DCC: variants seen among roughly 807,000 people sequenced by gnomAD.
DCC encodes netrin receptor DCC.
DCC carries 58 observed loss-of-function variants against 172.5 expected under a neutral mutation model. That is an observed-to-expected ratio of 0.34 (90% CI 0.27 to 0.42). The LOEUF is 0.42. Ranked by LOEUF, DCC falls within the 10% of genes least tolerant of loss-of-function variation. DCC has a pLI of 1.00. For missense variants in DCC, 1,740 were observed against 1,791.0 expected, an observed-to-expected ratio of 0.97 and a Z score of 0.51; for synonymous variants, 709 against 644.5, an observed-to-expected ratio of 1.10 and a Z score of -1.52.
Position 53,315,401 on chromosome 18 carries a change from T to A in DCC, c.2054-6646T>A, listed in dbSNP as rs540424216. Among the ~76,000 whole-genome samples the A allele has an allele frequency of 1.3e-4, 20 of 152,342 alleles. No individual in the cohort carries two copies. In the East Asian group the frequency reaches 3.7e-3, roughly 28 times the overall value. On this transcript the variant is annotated intron_variant, in intron 13 of 28. Coordinates refer to ENST00000442544, the MANE Select transcript of DCC (RefSeq NM_005215.4). ...CATTGGTTCCAAGTCTTGGCTATTG[T>A]GAATAGTGCTGCAATAAACATACAT...
At chr18:53,002,181 T>C (rs1028572409) in intron 5 of DCC, among the ~76,000 whole-genome samples, 19 of 152,192 alleles carry the variant, frequency 1.2e-4, no homozygotes, top group Non-Finnish European at 1.0e-4. Context: ...TTAAGCCTTT[T>C]GCATTGTGAA....
intron 14 of DCC, among the ~76,000 whole-genome samples, chr18:53,328,021 A>T (rs530880788): frequency 6.6e-6 from 1 of 152,198 alleles, no homozygotes; most frequent in African/African-American, 2.4e-5. Flanking sequence ...ATTTCATCTT[A>T]CACATAAGGA....
At chr18:52,631,646 A>C (rs1406995125) in intron 1 of DCC, among the ~76,000 whole-genome samples, 1 of 152,186 alleles carries the variant, frequency 6.6e-6, no homozygotes, top group African/African-American at 2.4e-5. Context: ...TGTGGCTTTC[A>C]GTCTCAGGCC....
At chr18:52,981,011 A>C (rs1447447167) in intron 5 of DCC, among the ~76,000 whole-genome samples, 2 of 151,502 alleles carry the variant, frequency 1.3e-5, no homozygotes, top group Non-Finnish European at 2.9e-5. Context: ...GGTATTTTCC[A>C]AATTTGAGCC....
At chr18:52,986,856 A>G (rs2041304463) in intron 5 of DCC, among the ~76,000 whole-genome samples, 1 of 149,548 alleles carries the variant, frequency 6.7e-6, no homozygotes, top group South Asian at 2.1e-4. Context: ...ACACACACAC[A>G]CAAACAGACA....
chr18:52,825,872 A>C (rs1275729163), intron 2 of DCC, among the ~76,000 whole-genome samples: 3 of 152,228 alleles, frequency 2.0e-5, no homozygotes, highest in African/African-American at 7.2e-5. Flanking sequence ...ATGCATGCCC[A>C]GGAGGCAAAA....
intron 12 of DCC, 121 bp from the exon 13 acceptor site, chr18:53,305,457 G>A (rs942401246): frequency 2.6e-6 from 2 of 771,088 alleles, no homozygotes; most frequent in Non-Finnish European, 4.5e-6. Context: ...TCTCTAAGTG[G>A]CAATCGCTAA....
intron 27 of DCC, among the ~76,000 whole-genome samples, chr18:53,508,369 T>A (rs1028659274): frequency 6.6e-6 from 1 of 151,910 alleles, no homozygotes; most frequent in Non-Finnish European, 1.5e-5. Flanking sequence ...ATTTTTGTAT[T>A]TTTTGCAGAG....
intron 2 of DCC, among the ~76,000 whole-genome samples, chr18:52,756,320 G>A (rs2037075541): frequency 6.6e-6 from 1 of 152,136 alleles, no homozygotes; most frequent in Non-Finnish European, 1.5e-5. Flanking sequence ...AGTATGTCAT[G>A]TTAATAGTAG....
chr18:53,432,464 A>G (rs955946278), intron 21 of DCC, among the ~76,000 whole-genome samples: 2 of 152,194 alleles, frequency 1.3e-5, no homozygotes, highest in African/African-American at 4.8e-5. Flanking sequence ...CCTCTGGGAT[A>G]GGGAAGTATT....
chr18:52,931,631 A>G lies in DCC; in HGVS notation c.985+6261A>G, dbSNP rs189666903. On this transcript the variant is annotated intron_variant, in intron 5 of 28. Transcript: ENST00000442544. ...GCTTAGCATTTTGTTTCCTTCTTAT[A>G]AAATAAAAATGGAAAATTCCATAAT... Among the ~76,000 whole-genome samples the G allele has an allele frequency of 5.9e-5, 9 of 152,288 alleles. 1 individual carries two copies. The East Asian group carries it at 1.3e-3, about 23-fold the overall frequency.
intron 5 of DCC, among the ~76,000 whole-genome samples, chr18:52,935,123 A>T (rs775117683): frequency 1.3e-5 from 2 of 152,128 alleles, no homozygotes; most frequent in Non-Finnish European, 2.9e-5. Flanking sequence ...TATATTATCA[A>T]CATTGCTTAC....
chr18:53,436,731 T>C (rs751552156), intron 22 of DCC, among the ~76,000 whole-genome samples: 22 of 152,172 alleles, frequency 1.4e-4, no homozygotes, highest in Admixed American at 2.0e-4. Flanking sequence ...TAGAACGTCT[T>C]ATGTTTAAAC....
intron 1 of DCC, among the ~76,000 whole-genome samples, chr18:52,737,624 G>A (rs1412438391): frequency 6.6e-6 from 1 of 152,112 alleles, no homozygotes; most frequent in African/African-American, 2.4e-5. Context: ...CTTGGACACA[G>A]TGGGCATATC....
intron 1 of DCC, among the ~76,000 whole-genome samples, chr18:52,471,752 T>C (rs1988953076): frequency 6.6e-6 from 1 of 152,194 alleles, no homozygotes; most frequent in African/African-American, 2.4e-5. Flanking sequence ...AGATAAGCCT[T>C]ACAGAGGCTT....
intron 1 of DCC, among the ~76,000 whole-genome samples, chr18:52,747,391 C>T (rs1306303801): frequency 6.6e-6 from 1 of 152,228 alleles, no homozygotes; most frequent in Non-Finnish European, 1.5e-5. Flanking sequence ...ATAAACTTCT[C>T]CATTAGGTTT....
chr18:52,491,035 A>G (rs777844759), intron 1 of DCC, among the ~76,000 whole-genome samples: 2 of 152,116 alleles, frequency 1.3e-5, no homozygotes, highest in Non-Finnish European at 2.9e-5. Context: ...AAAGGCAAGC[A>G]ACTTCAGTTC....
At chr18:53,526,809 C>A in intron 28 of DCC, 50 bp downstream of exon 28, 1 of 1,601,704 alleles carries the variant, frequency 6.2e-7, no homozygotes, top group Non-Finnish European at 8.5e-7. Context: ...GATTGACTGG[C>A]GCTGTGTAAT....
At chr18:52,986,787 A>C (rs2041301073) in intron 5 of DCC, among the ~76,000 whole-genome samples, 1 of 151,756 alleles carries the variant, frequency 6.6e-6, no homozygotes, top group South Asian at 2.1e-4. Context: ...ACATATGCAT[A>C]TATATACACA....
Sources: gnomAD v4.1 joint callset for allele counts (sites outside exome capture counted in the v4.1 genomes callset) on GRCh38, gnomAD v4.1.1 for gene constraint, MANE v1.5 for transcripts, NCBI Gene and HGNC (gene_info 2026-07-23, HGNC 2026-07-21) for gene names.